SFTPA2: variants seen among roughly 807,000 people sequenced by gnomAD.
SFTPA2 encodes surfactant protein A2.
A neutral mutation model predicts 20.3 loss-of-function variants in SFTPA2; 21 were observed. The observed-to-expected ratio is 1.03, with a 90% CI of 0.73 to 1.49. The LOEUF (loss-of-function observed/expected upper bound fraction) is 1.49. Among genes scored for constraint, SFTPA2 ranks in the 40% most tolerant of loss-of-function variants. The pLI is 0.00. For missense variants in SFTPA2, 302 were observed against 314.8 expected, an observed-to-expected ratio of 0.96 and a Z score of 0.31; for synonymous variants, 116 against 118.7, an observed-to-expected ratio of 0.98 and a Z score of 0.15.
At chr10:79,558,743 T>C (rs1858965273) in intron 4 of SFTPA2, 143 bp downstream of exon 4, 4 of 1,459,232 alleles carry the variant, frequency 2.7e-6, no homozygotes, top group Non-Finnish European at 9.5e-7. Flanking sequence ...GCTTTCTCCC[T>C]CAAATTCATA....
intron 4 of SFTPA2, 113 bp downstream of exon 4, chr10:79,558,773 C>T: frequency 1.3e-6 from 2 of 1,574,882 alleles, no homozygotes; most frequent in Non-Finnish European, 1.7e-6. Flanking sequence ...TTAGGTTGAG[C>T]CAAATGCCCT....
At position 79,559,511 on chromosome 10, in the gene SFTPA2, C is replaced by A. The variant is rs1650232; in HGVS notation, c.-23-5G>T. 2.6e-3 allele frequency: 4,100 copies of A among 1,585,742 alleles called. 61 individuals carry two copies. In the African/African-American group the frequency reaches 0.038, roughly 15 times the overall value. Reference sequence around the variant, plus strand: ...CTCTGGGTCCAGTCGCTGCTCCTGCCGGAGGGATGGCCGTGAGCCCATCTG... The same window carrying A: ...CTCTGGGTCCAGTCGCTGCTCCTGCAGGAGGGATGGCCGTGAGCCCATCTG... On this transcript the variant is annotated splice_polypyrimidine_tract_variant and splice_region_variant and intron_variant, in intron 2 of 5. Coordinates refer to ENST00000372325, the MANE Select transcript of SFTPA2 (RefSeq NM_001098668.4).
At chr10:79,560,300 G>C (rs371107183) in intron 1 of SFTPA2, 64 bp downstream of exon 1, 1 of 153,386 alleles carries the variant, frequency 6.5e-6, no homozygotes, top group African/African-American at 2.4e-5. Flanking sequence ...GTGGCTGCTG[G>C]GCTGGTCCTC....
At chr10:79,558,752 T>A (rs1441507658) in intron 4 of SFTPA2, 134 bp downstream of exon 4, 6 of 1,480,306 alleles carry the variant, frequency 4.1e-6, no homozygotes, top group Non-Finnish European at 4.7e-6. Context: ...CTCAAATTCA[T>A]ATTCTCTTAC....
chr10:79,558,780 C>T, intron 4 of SFTPA2, 106 bp downstream of exon 4: 1 of 1,588,956 alleles, frequency 6.3e-7, no homozygotes, highest in Admixed American at 1.7e-5. Flanking sequence ...GAGCCAAATG[C>T]CCTTGGGGAA....
chr10:79,558,029 T>C (rs934248293), intron 5 of SFTPA2, 23 bp downstream of exon 5: 1 of 1,614,092 alleles, frequency 6.2e-7, no homozygotes, highest in Non-Finnish European at 8.5e-7. Flanking sequence ...TCCTACCCCG[T>C]GAGGCCCAGG....
chr10:79,557,988 G>A (rs1189632000), intron 5 of SFTPA2, 64 bp downstream of exon 5: 1 of 1,607,284 alleles, frequency 6.2e-7, no homozygotes, highest in Non-Finnish European at 8.5e-7. Flanking sequence ...CTAGAAGGTG[G>A]TGCTGAGAAT....
At chr10:79,559,269 G>C in intron 3 of SFTPA2, 43 bp downstream of exon 3, 1 of 1,612,698 alleles carries the variant, frequency 6.2e-7, no homozygotes, top group East Asian at 2.2e-5. Context: ...CCTGAAAAGG[G>C]GTCTGTGTCC....
rs1273805718 is a variant in SFTPA2 at position 79,560,029 on chromosome 10, C to CT, written c.-53-32_-53-31insA. On this transcript the variant is annotated intron_variant, in intron 1 of 5. Transcript: ENST00000372325. ...AATGAAAAGAGATGAATAGGGCCCA[C>CT]AGCCTGGACCCTTCAAGGTGATCAT... The CT allele has an allele frequency of 3.6e-6, 4 of 1,121,368 alleles. No individual in the cohort carries two copies. In the African/African-American group the frequency reaches 6.5e-5, roughly 18 times the overall value. The allele number at this position is 1,121,368 out of a possible 1,614,324, so 69.5% of individuals were successfully genotyped here.
In SFTPA2 at chr10:79,558,914, C is replaced by G. The variant is rs1858993682; in HGVS notation, c.264G>C (p.Lys88Asn). ...GAGGGCCTCTCTCGCCAGCCTCCCC[C>G]TTCTCTCCACGCTCTCCAGGGACAC... Reference protein sequence around the residue: ...APGVPGERGEKGEAGERGPPG... With the variant: ...APGVPGERGENGEAGERGPPG... Residue 88 changes from lysine to asparagine, a missense_variant, in exon 4 of 6, where the codon AAG (lysine) becomes AAC (asparagine). By Grantham distance (94) the Lys-to-Asn change is moderately conservative (BLOSUM62 0). Transcript: ENST00000372325. The G allele has an allele frequency of 6.2e-7, 1 of 1,614,106 alleles. No individual in the cohort carries two copies. Among genetic ancestry groups the G allele is most frequent in the Non-Finnish European group, 8.5e-7 (1 of 1,179,992 alleles).
Position 79,558,925 on chromosome 10 carries a change from G to T in SFTPA2, c.253C>A (p.Arg85Ser). The T allele has an allele frequency of 6.2e-7, 1 of 1,613,942 alleles. No individual in the cohort carries two copies. The highest frequency in any genetic ancestry group is 2.2e-5 in the East Asian group (1 of 44,866). The change falls in exon 4 of 6, where the codon CGT (arginine) becomes AGT (serine). Residue 85 changes from arginine (R) to serine (S), a missense_variant. By Grantham distance (110) the Arg-to-Ser change is moderately radical (BLOSUM62 -1). Coordinates refer to ENST00000372325, the MANE Select transcript of SFTPA2 (RefSeq NM_001098668.4). ...LPGAPGVPGE[R>S]GEKGEAGERG... The stretch of plus-strand genomic sequence containing the variant: ...TCGCCAGCCTCCCCCTTCTCTCCAC[G>T]CTCTCCAGGGACACCAGGGGCTCCA...
At chr10:79,559,776 G>A in intron 2 of SFTPA2, 193 bp downstream of exon 2, 1 of 1,487,586 alleles carries the variant, frequency 6.7e-7, no homozygotes, top group Non-Finnish European at 9.0e-7. Flanking sequence ...CCAGGGACCT[G>A]GGCTCCAGTG....
At position 79,558,841 on chromosome 10, in the gene SFTPA2, C is replaced by T. The variant is rs17884130; in HGVS notation, c.292+45G>A. ...CACCCCTGTGTAACTGACTTCAGGT[C>T]GCTGTGCCCATGTTTCCACTGCCCA... is the stretch of plus-strand genomic sequence containing the variant. On this transcript the variant is annotated intron_variant, in intron 4 of 5. Coordinates refer to ENST00000372325, the MANE Select transcript of SFTPA2 (RefSeq NM_001098668.4). 2.5e-3 allele frequency: 4,092 copies of T among 1,613,054 alleles called. 19 individuals are homozygous for T. The highest frequency in any genetic ancestry group is 0.016 in the East Asian group (733 of 44,796).
In SFTPA2 at chr10:79,557,347, C is replaced by T; in HGVS notation, c.609G>A (p.Gly203=). 1 of 1,614,154 alleles carries T rather than the reference C, an allele frequency of 6.2e-7. No homozygotes were observed. The highest frequency in any genetic ancestry group is 8.5e-7 in the Non-Finnish European group (1 of 1,180,038). ...ACCAGTTGGTGTAGTTTACAGGGGT[C>T]CCATCTGAGTAGCGGAAGTCTCCAG... ...PSPGDFRYSD[G]TPVNYTNWYR... The change falls in exon 6 of 6, where the codon GGG becomes GGA. Residue 203 remains glycine (G), a synonymous_variant. Coordinates refer to ENST00000372325, the MANE Select transcript of SFTPA2 (RefSeq NM_001098668.4).
Position 79,557,291 on chromosome 10 carries a change from T to C in SFTPA2, c.665A>G (p.Glu222Gly). ...YRGEPAGRGK[E>G]QCVEMYTDGQ... ...ATCTGTGTACATCTCCACACACTGC[T>C]CTTTTCCCCGACCTGCAGGCTCCCC... The change falls in exon 6 of 6, where the codon GAG (glutamate) becomes GGG (glycine). Residue 222 changes from glutamate (E) to glycine (G), a missense_variant. Around this residue, in one of 3 missense-constraint regions of SFTPA2, gnomAD observed 264 missense variants for 261.7 expected, o/e 1.01. Transcript: ENST00000372325. The C allele has an allele frequency of 6.2e-7, 1 of 1,614,162 alleles. No individual in the cohort carries two copies. Among genetic ancestry groups the C allele is most frequent in the Non-Finnish European group, 8.5e-7 (1 of 1,180,016 alleles).
chr10:79,557,604 A>G lies in SFTPA2; in HGVS notation c.371-19T>C, dbSNP rs1610440. 189,369 of 1,421,208 alleles carry G rather than the reference A, an allele frequency of 0.13. 37,841 individuals are homozygous for G. The highest frequency in any genetic ancestry group is 0.39 in the East Asian group (16,588 of 42,014). The allele number at this position is 1,421,208 out of a possible 1,614,324, so 88.0% of individuals were successfully genotyped here. ...CTGAGGGCTGAGAGCAGAGGAGTCCAGGTCAGGCCACTGACCACTTTGTCT... is the reference window on the plus strand; with the variant it reads ...CTGAGGGCTGAGAGCAGAGGAGTCCGGGTCAGGCCACTGACCACTTTGTCT... On this transcript the variant is annotated intron_variant, in intron 5 of 5. Coordinates refer to ENST00000372325, the MANE Select transcript of SFTPA2 (RefSeq NM_001098668.4).
intron 2 of SFTPA2, chr10:79,559,717 G>A: frequency 6.5e-7 from 1 of 1,548,364 alleles, no homozygotes; most frequent in Non-Finnish European, 8.7e-7. Flanking sequence ...GGAGGTTGTG[G>A]GGTCTCAAGA....
rs752354058 is a variant in SFTPA2, at chr10:79,557,170, C to T, written c.*39G>A. The T allele has an allele frequency of 1.2e-6, 2 of 1,613,966 alleles. No homozygotes were observed. Among genetic ancestry groups the T allele is most frequent in the Admixed American group, 1.7e-5 (1 of 59,986 alleles). On this transcript the variant is annotated 3_prime_UTR_variant, in exon 6 of 6. Transcript: ENST00000372325. ...GGATCCTGGGGATGGAAACTGAAGG[C>T]CAGACAGGATCCTCCCTGTCCCATG...
chr10:79,558,257 C>T (rs1858922419), intron 4 of SFTPA2, 128 bp from the exon 5 acceptor site: 16 of 1,584,724 alleles, frequency 1.0e-5, no homozygotes, highest in Non-Finnish European at 1.7e-6. Flanking sequence ...ACCACCCAGA[C>T]CCTAGGCTCA....
Sources: allele counts gnomAD v4.1 joint callset, GRCh38; gene constraint gnomAD v4.1.1; regional missense constraint gnomAD v4.1.1; transcripts MANE v1.5; gene names NCBI Gene and HGNC (gene_info 2026-07-23, HGNC 2026-07-21).